SHISAL1: variants seen among roughly 807,000 people sequenced by gnomAD.
SHISAL1 encodes the protein shisa like 1, also known as protein shisa-like-1.
Under a neutral mutation model 22.6 loss-of-function variants are expected in SHISAL1, and 9 were observed. That is an observed-to-expected ratio of 0.40 (90% CI 0.24 to 0.70). The LOEUF (loss-of-function observed/expected upper bound fraction) is 0.70. Ranked by LOEUF, SHISAL1 falls within the 30% of genes least tolerant of loss-of-function variation. The pLI is 0.39. For synonymous variants in SHISAL1, 119 were observed against 115.4 expected, an observed-to-expected ratio of 1.03 and a Z score of -0.20; for missense variants, 246 against 270.6, an observed-to-expected ratio of 0.91 and a Z score of 0.64.
upstream of SHISAL1, among the ~76,000 whole-genome samples, chr22:44,314,798 A>T (rs1569229393): frequency 6.6e-6 from 1 of 152,048 alleles, no homozygotes; most frequent in Non-Finnish European, 1.5e-5. Flanking sequence ...CCAGTGGATG[A>T]ATAGGAAAAT....
At position 44,245,741 on chromosome 22, in the gene SHISAL1, T is replaced by C. The variant is rs1297173830; in HGVS notation, c.*3944A>G. 1 of 152,278 alleles carries C rather than the reference T, an allele frequency of 6.6e-6. No homozygotes were observed. The highest frequency in any genetic ancestry group is 1.5e-5 in the Non-Finnish European group (1 of 68,148). 9.4% of individuals were successfully genotyped at this position (152,278 alleles called of 1,614,324 possible). A position where few individuals can be genotyped will look rare whatever the true frequency, so the allele number is the denominator to read the frequency against. ...CCATGACCTGAAGAGAGCTTTTGGG[T>C]TGACGGTGAACTGGAAACCATCTCC... is the stretch of plus-strand genomic sequence containing the variant. On this transcript the variant is annotated 3_prime_UTR_variant, in exon 5 of 5. Transcript: ENST00000381176.
chr22:44,326,048 C>T, the SHISAL1 span, among the ~76,000 whole-genome samples: 4 of 152,020 alleles, frequency 2.6e-5, no homozygotes, highest in Non-Finnish European at 4.4e-5. Flanking sequence ...CCTCCTCGCC[C>T]CAGAACTTGG....
At chr22:44,288,683 CA>C (rs1468604441) in intron 3 of SHISAL1, among the ~76,000 whole-genome samples, 1 of 151,722 alleles carries the variant, frequency 6.6e-6, no homozygotes, top group Non-Finnish European at 1.5e-5. Flanking sequence ...TGCTCCAGCC[CA>C]ACATCTCTCT....
At chr22:44,270,022 T>C (rs1288568358) in intron 4 of SHISAL1, among the ~76,000 whole-genome samples, 1 of 152,180 alleles carries the variant, frequency 6.6e-6, no homozygotes, top group Non-Finnish European at 1.5e-5. Context: ...TCCAAAATAC[T>C]GCTTTGTGTC....
In SHISAL1 at chr22:44,285,650, T is replaced by C. The variant is rs991173301; in HGVS notation, c.377A>G (p.Asp126Gly). The change falls in exon 4 of 5, where the codon GAC becomes GGC. Residue 126 changes from aspartate (D) to glycine (G), a missense_variant. Transcript: ENST00000381176. ...DLLYYSAMNY[D>G]ICKVYLARWG... Reference sequence around the variant, plus strand: ...CCGTGCCAGGTAGACCTTGCAGATGTCGTAGTTCATTGCCGAGTAATACAA... The same window carrying C: ...CCGTGCCAGGTAGACCTTGCAGATGCCGTAGTTCATTGCCGAGTAATACAA... The C allele has an allele frequency of 5.6e-6, 9 of 1,614,184 alleles. No individual in the cohort carries two copies. Among genetic ancestry groups the C allele is most frequent in the Non-Finnish European group, 7.6e-6 (9 of 1,180,004 alleles).
Position 44,261,046 on chromosome 22 carries a change from GT to G in SHISAL1, c.*-11362del, listed in dbSNP as rs1179776195. 5.7e-5 allele frequency among the ~76,000 whole-genome samples: 8 copies of G among 140,688 alleles called. No individual in the cohort carries two copies. In the East Asian group the frequency reaches 1.5e-3, roughly 27 times the overall value. The allele number at this position is 140,688 out of a possible 152,430, so 92.3% of individuals were successfully genotyped here. ...TGACGCAGCTCTATTTCTTGTGCCA[GT>G]GGTGAGAATGTGGTGTTTGCTTCAT... On this transcript the variant is annotated intron_variant, in intron 4 of 4. Coordinates refer to ENST00000381176, the MANE Select transcript of SHISAL1 (RefSeq NM_001099294.2).
intron 4 of SHISAL1, among the ~76,000 whole-genome samples, chr22:44,278,238 G>T (rs2055253178): frequency 3.9e-5 from 6 of 152,218 alleles, no homozygotes; most frequent in Admixed American, 2.6e-4. Flanking sequence ...TGTGCTGGAT[G>T]CTTCCTGCCC....
intron 4 of SHISAL1, among the ~76,000 whole-genome samples, chr22:44,250,512 A>T (rs965915719): frequency 1.1e-4 from 16 of 152,194 alleles, no homozygotes; most frequent in African/African-American, 3.9e-4. Context: ...CCATCTGTGG[A>T]AAGCAGCATG....
intron 3 of SHISAL1, among the ~76,000 whole-genome samples, chr22:44,292,542 T>C (rs540586733): frequency 1.6e-4 from 24 of 152,308 alleles, no homozygotes; most frequent in African/African-American, 5.3e-4. Flanking sequence ...ACCACAGGTG[T>C]CTTGCCCAGA....
At chr22:44,250,650 A>G (rs550950195) in intron 4 of SHISAL1, among the ~76,000 whole-genome samples, 1 of 152,302 alleles carries the variant, frequency 6.6e-6, no homozygotes, top group African/African-American at 2.4e-5. Context: ...GTGGGAGTCT[A>G]TTGGGAAGGG....
At chr22:44,284,814 G>A (rs2055300145) in intron 4 of SHISAL1, among the ~76,000 whole-genome samples, 1 of 152,016 alleles carries the variant, frequency 6.6e-6, no homozygotes, top group Admixed American at 6.5e-5. Context: ...GGGAATTGCA[G>A]TAGACAAGCT....
rs2055007542 is a variant in SHISAL1 at position 44,247,056 on chromosome 22, C to T, written c.*2629G>A. The stretch of plus-strand genomic sequence containing the variant: ...AATGTCCTCCTAGAAGGTTGTACAT[C>T]TCAAGGGATGCTTAGGTGAACCCCA... On this transcript the variant is annotated 3_prime_UTR_variant, in exon 5 of 5. Coordinates refer to ENST00000381176, the MANE Select transcript of SHISAL1 (RefSeq NM_001099294.2). The T allele has an allele frequency of 6.6e-6, 1 of 152,230 alleles. No individual in the cohort carries two copies. Among genetic ancestry groups the T allele is most frequent in the African/African-American group, 2.4e-5 (1 of 41,442 alleles). The allele number at this position is 152,230 out of a possible 1,614,324, so 9.4% of individuals were successfully genotyped here.
At position 44,244,504 on chromosome 22, in the gene SHISAL1, G is replaced by GTAAC. The variant is rs558153980; in HGVS notation, c.*5177_*5180dup. 10 of 152,184 alleles carry GTAAC rather than the reference G, an allele frequency of 6.6e-5. No homozygotes were observed. The highest frequency in any genetic ancestry group is 1.3e-4 in the Non-Finnish European group (9 of 68,036). The allele number at this position is 152,184 out of a possible 1,614,324, so 9.4% of individuals were successfully genotyped here. On this transcript the variant is annotated 3_prime_UTR_variant, in exon 5 of 5. Transcript: ENST00000381176. The stretch of plus-strand genomic sequence containing the variant: ...TAAAGATAGGAGTTTTAGGTACAGA[G>GTAAC]TAACTAACAGTCAAATCTGCTCATT...
chr22:44,264,542 TG>T (rs909639244), intron 4 of SHISAL1, among the ~76,000 whole-genome samples: 3 of 151,970 alleles, frequency 2.0e-5, no homozygotes, highest in African/African-American at 7.2e-5. Context: ...GGGGCACAGG[TG>T]GGGTGTCCTG....
chr22:44,256,461 G>A (rs1253871036), intron 4 of SHISAL1, among the ~76,000 whole-genome samples: 1 of 152,178 alleles, frequency 6.6e-6, no homozygotes, highest in African/African-American at 2.4e-5. Context: ...GACTGGTTCT[G>A]TTTCTCTGGA....
At chr22:44,251,315 T>C (rs1037346541) in intron 4 of SHISAL1, among the ~76,000 whole-genome samples, 3 of 152,196 alleles carry the variant, frequency 2.0e-5, no homozygotes, top group African/African-American at 7.2e-5. Context: ...CTGTCAAGAA[T>C]AAAGTCAACA....
intron 3 of SHISAL1, among the ~76,000 whole-genome samples, chr22:44,288,001 C>T (rs957157710): frequency 2.0e-5 from 3 of 152,144 alleles, no homozygotes; most frequent in Non-Finnish European, 2.9e-5. Flanking sequence ...GTCCAGGATG[C>T]CAGCTGGGGG....
chr22:44,279,702 C>T (rs1006793617), intron 4 of SHISAL1, among the ~76,000 whole-genome samples: 14 of 152,200 alleles, frequency 9.2e-5, no homozygotes, highest in Admixed American at 6.5e-5. Flanking sequence ...CATCCCCCCG[C>T]CCCTGCTGGG....
At chr22:44,275,431 C>T (rs1001977575) in intron 4 of SHISAL1, among the ~76,000 whole-genome samples, 3 of 152,220 alleles carry the variant, frequency 2.0e-5, no homozygotes, top group Admixed American at 6.5e-5. Context: ...AGCTCCTGGG[C>T]CCAGACCAGA....
Sources: allele counts gnomAD v4.1 joint callset (sites outside exome capture counted in the v4.1 genomes callset), GRCh38; gene constraint gnomAD v4.1.1; transcripts MANE v1.5; gene names NCBI Gene and HGNC (gene_info 2026-07-23, HGNC 2026-07-21).